ZC3H12C: variants seen among roughly 807,000 people sequenced by gnomAD.
ZC3H12C encodes the protein zinc finger CCCH-type containing 12C.
A neutral mutation model predicts 76.3 loss-of-function variants in ZC3H12C; 20 were observed. The observed-to-expected ratio is 0.26, with a 90% CI of 0.18 to 0.38. The LOEUF (loss-of-function observed/expected upper bound fraction) is 0.38. Ranked by LOEUF, ZC3H12C falls within the 10% of genes least tolerant of loss-of-function variation. The pLI is 1.00. For synonymous variants in ZC3H12C, 352 were observed against 399.6 expected, an observed-to-expected ratio of 0.88 and a Z score of 1.42; for missense variants, 874 against 1,086.5, an observed-to-expected ratio of 0.80 and a Z score of 2.75.
At chr11:110,115,212 T>C (rs893701037) in intron 1 of ZC3H12C, among the ~76,000 whole-genome samples, 2 of 152,120 alleles carry the variant, frequency 1.3e-5, no homozygotes, top group Non-Finnish European at 2.9e-5. Context: ...GCTCAAGCGA[T>C]CCTCCTGCCT....
chr11:110,143,068 G>T (rs1386823189), intron 2 of ZC3H12C, among the ~76,000 whole-genome samples: 10 of 152,156 alleles, frequency 6.6e-5, no homozygotes, highest in African/African-American at 2.4e-4. Flanking sequence ...ATAACGTTGA[G>T]TAGCTATAAG....
chr11:110,126,513 C>A (rs192794563), intron 1 of ZC3H12C, among the ~76,000 whole-genome samples: 32 of 152,212 alleles, frequency 2.1e-4, no homozygotes, highest in African/African-American at 7.7e-4. Context: ...AGCCACTGCA[C>A]CCAGTTGTTT....
intron 1 of ZC3H12C, among the ~76,000 whole-genome samples, chr11:110,097,022 A>G (rs1212074294): frequency 6.6e-6 from 1 of 152,262 alleles, no homozygotes; most frequent in East Asian, 1.9e-4. Context: ...GACTATAGAA[A>G]TGTAATGTGC....
At chr11:110,103,868 G>A (rs987485317) in intron 1 of ZC3H12C, among the ~76,000 whole-genome samples, 3 of 152,182 alleles carry the variant, frequency 2.0e-5, no homozygotes, top group African/African-American at 7.2e-5. Context: ...CTCCCAAAGT[G>A]CTGGGATTAC....
rs1276918645 is a variant in ZC3H12C at position 110,171,044 on chromosome 11, A to AATG, written c.*5308_*5310dup. On this transcript the variant is annotated 3_prime_UTR_variant, in exon 6 of 6. Coordinates refer to ENST00000278590, the MANE Select transcript of ZC3H12C (RefSeq NM_033390.2). ...TTTAACTTGGTTTTATAAAATCTGT[A>AATG]ATGTTTCACTTCTTGAACCATGTAC... 2.6e-5 allele frequency: 4 copies of AATG among 152,188 alleles called. No individual in the cohort carries two copies. The highest frequency in any genetic ancestry group is 9.7e-5 in the African/African-American group (4 of 41,444). The allele number at this position is 152,188 out of a possible 1,614,324, so 9.4% of individuals were successfully genotyped here. A position where few individuals can be genotyped will look rare whatever the true frequency, so the allele number is the denominator to read the frequency against.
Position 110,167,984 on chromosome 11 carries a change from C to T in ZC3H12C, c.*2247C>T, listed in dbSNP as rs534658808. 6.6e-6 allele frequency: 1 copy of T among 152,216 alleles called. No individual in the cohort carries two copies. Among genetic ancestry groups the T allele is most frequent in the South Asian group, 2.1e-4 (1 of 4,824 alleles). 9.4% of individuals were successfully genotyped at this position (152,216 alleles called of 1,614,324 possible). On this transcript the variant is annotated 3_prime_UTR_variant, in exon 6 of 6. Coordinates refer to ENST00000278590, the MANE Select transcript of ZC3H12C (RefSeq NM_033390.2). ...CTTTTATTTTAGTCATATTCTAAGA[C>T]TTCTTTTTAGTATGAAATCACTTTT...
intron 1 of ZC3H12C, among the ~76,000 whole-genome samples, chr11:110,102,584 A>G (rs1022830689): frequency 6.6e-6 from 1 of 152,158 alleles, no homozygotes; most frequent in African/African-American, 2.4e-5. Flanking sequence ...ATGACAACAA[A>G]GAGGATTTCA....
Position 110,164,551 on chromosome 11 carries a change from G to A in ZC3H12C, c.1466G>A (p.Arg489Lys), listed in dbSNP as rs1862541277. ...TSDVKRGAPK[R>K]QSDPSIRTQV... The stretch of plus-strand genomic sequence containing the variant: ...GATGTCAAACGAGGTGCTCCAAAGA[G>A]GCAATCAGATCCAAGCATAAGGACA... Residue 489 changes from arginine to lysine, a missense_variant, in exon 6 of 6, where the codon AGG becomes AAG. Coordinates refer to ENST00000278590, the MANE Select transcript of ZC3H12C (RefSeq NM_033390.2). The surrounding 1 kb of genome is among the most constrained non-coding windows in gnomAD (Gnocchi z 5.7). 6.2e-7 allele frequency: 1 copy of A among 1,613,860 alleles called. No individual in the cohort carries two copies. The highest frequency in any genetic ancestry group is 1.3e-5 in the African/African-American group (1 of 74,916).
At chr11:110,108,057 C>G (rs1387578471) in intron 1 of ZC3H12C, among the ~76,000 whole-genome samples, 1 of 152,154 alleles carries the variant, frequency 6.6e-6, no homozygotes, top group Admixed American at 6.5e-5. Context: ...AAGCTATCCT[C>G]TCACCTCAGC....
At position 110,167,681 on chromosome 11, in the gene ZC3H12C, C is replaced by G. The variant is rs1862607278; in HGVS notation, c.*1944C>G. On this transcript the variant is annotated 3_prime_UTR_variant, in exon 6 of 6. Transcript: ENST00000278590. Reference sequence around the variant, plus strand: ...GTAAATGCTTCTAAAAGGCATTGTGCATATTGACATAACCAATAATCTGAA... The same window carrying G: ...GTAAATGCTTCTAAAAGGCATTGTGGATATTGACATAACCAATAATCTGAA... 3 of 152,152 alleles carry G rather than the reference C, an allele frequency of 2.0e-5. No individual in the cohort carries two copies. Among genetic ancestry groups the G allele is most frequent in the Admixed American group, 2.0e-4 (3 of 15,274 alleles). The allele number at this position is 152,152 out of a possible 1,614,324, so 9.4% of individuals were successfully genotyped here.
chr11:110,104,805 A>G (rs1861289708), intron 1 of ZC3H12C, among the ~76,000 whole-genome samples: 2 of 152,160 alleles, frequency 1.3e-5, no homozygotes, highest in East Asian at 1.9e-4. Context: ...AAGGCACTCA[A>G]TATTCTGAAA....
chr11:110,098,083 G>T (rs1261642796), intron 1 of ZC3H12C, among the ~76,000 whole-genome samples: 1 of 152,134 alleles, frequency 6.6e-6, no homozygotes, highest in Non-Finnish European at 1.5e-5. Context: ...TCAGAAGGCG[G>T]CATTATCATA....
At chr11:110,108,284 A>T (rs1861367747) in intron 1 of ZC3H12C, among the ~76,000 whole-genome samples, 1 of 152,160 alleles carries the variant, frequency 6.6e-6, no homozygotes, top group Non-Finnish European at 1.5e-5. Flanking sequence ...CATGATCTTC[A>T]TGCCCTCTTT....
At chr11:110,160,100 C>G (rs1862453111) in intron 4 of ZC3H12C, among the ~76,000 whole-genome samples, 1 of 152,144 alleles carries the variant, frequency 6.6e-6, no homozygotes, top group South Asian at 2.1e-4. Flanking sequence ...CTAAACATAC[C>G]TAAACACTGA....
chr11:110,136,826 C>G lies in ZC3H12C; in HGVS notation c.185C>G (p.Thr62Arg). ...TTAAGTCCAGCTGTACCTTGGTCAACAGTAGAAAACCCAAGTATGGATACC... is the reference window on the plus strand; with the variant it reads ...TTAAGTCCAGCTGTACCTTGGTCAAGAGTAGAAAACCCAAGTATGGATACC... ...PQLSPAVPWS[T>R]VENPSMDTVN... Residue 62 changes from threonine (T) to arginine (R), a missense_variant, in exon 2 of 6, where the codon ACA (threonine) becomes AGA (arginine). Transcript: ENST00000278590. 3.7e-6 allele frequency: 6 copies of G among 1,613,798 alleles called. No homozygotes were observed. The Middle Eastern group carries it at 6.6e-4, about 177-fold the overall frequency.
chr11:110,118,281 A>G (rs762266578), intron 1 of ZC3H12C, among the ~76,000 whole-genome samples: 58 of 151,782 alleles, frequency 3.8e-4, no homozygotes, highest in Admixed American at 2.7e-3. Flanking sequence ...AAATCTGATT[A>G]TTTTATATTA....
intron 1 of ZC3H12C, among the ~76,000 whole-genome samples, chr11:110,116,985 C>T: frequency 6.6e-6 from 1 of 152,130 alleles, no homozygotes; most frequent in East Asian, 1.9e-4. Flanking sequence ...AGTAAGTATT[C>T]AGAGACAAGT....
intron 1 of ZC3H12C, among the ~76,000 whole-genome samples, chr11:110,127,342 A>G (rs1861767652): frequency 6.6e-6 from 1 of 152,214 alleles, no homozygotes; most frequent in Non-Finnish European, 1.5e-5. Flanking sequence ...AGCTTTCTAC[A>G]AGAGAGCTCA....
chr11:110,162,633 G>T (rs143118226), intron 4 of ZC3H12C, among the ~76,000 whole-genome samples: 1 of 152,140 alleles, frequency 6.6e-6, no homozygotes, highest in South Asian at 2.1e-4. Flanking sequence ...ACTGAGAAGC[G>T]CATTCAAATA....
Sources: allele counts gnomAD v4.1 joint callset (sites outside exome capture counted in the v4.1 genomes callset), GRCh38; gene constraint gnomAD v4.1.1; non-coding constraint Gnocchi (gnomAD v3.1); transcripts MANE v1.5; gene names NCBI Gene and HGNC (gene_info 2026-07-23, HGNC 2026-07-21).